The following SLC39A11 variants were observed in gnomAD, a reference collection of about 807,000 sequenced individuals.
SLC39A11 encodes solute carrier family 39 member 11, also known as zinc transporter ZIP11.
SLC39A11 carries 33 observed loss-of-function variants against 36.1 expected under a neutral mutation model. That is an observed-to-expected ratio of 0.91 (90% CI 0.69 to 1.22). SLC39A11 has a LOEUF of 1.22. Among genes scored for constraint, SLC39A11 ranks in the 50% most tolerant of loss-of-function variants. The pLI is 0.00. For synonymous variants in SLC39A11, 166 were observed against 170.3 expected, an observed-to-expected ratio of 0.97 and a Z score of 0.20; for missense variants, 432 against 430.3, an observed-to-expected ratio of 1.00 and a Z score of -0.03.
chr17:72,743,629 A>AT (rs1429245988), intron 6 of SLC39A11, among the ~76,000 whole-genome samples: 1 of 152,148 alleles, frequency 6.6e-6, no homozygotes, highest in Non-Finnish European at 1.5e-5. Flanking sequence ...AACAGAGGTG[A>AT]TCCCCGAGAG....
Position 72,941,401 on chromosome 17 carries a change from G to GA in SLC39A11, c.430+6350dup, listed in dbSNP as rs751062086. On this transcript the variant is annotated intron_variant, in intron 5 of 9. Transcript: ENST00000255559. Reference sequence around the variant, plus strand: ...TTGGACTTCCAGCCTCCAGAACTGTGAAAAAAATAAATTTCTGCAGTTTAA... The same window carrying GA: ...TTGGACTTCCAGCCTCCAGAACTGTGAAAAAAAATAAATTTCTGCAGTTTAA... Among the ~76,000 whole-genome samples the GA allele has an allele frequency of 5.9e-5, 9 of 152,238 alleles. 1 individual carries two copies. The highest frequency in any genetic ancestry group is 1.3e-4 in the Admixed American group (2 of 15,302).
chr17:72,653,111 T>C (rs1440703078), intron 7 of SLC39A11, among the ~76,000 whole-genome samples: 1 of 21,370 alleles, frequency 4.7e-5, no homozygotes, highest in African/African-American at 2.5e-4. Context: ...TTTTTTTTTC[T>C]TTTTTTTTTT....
intron 7 of SLC39A11, among the ~76,000 whole-genome samples, chr17:72,709,463 T>C (rs986230151): frequency 6.6e-6 from 1 of 152,234 alleles, no homozygotes; most frequent in Non-Finnish European, 1.5e-5. Context: ...TCAAGAGATC[T>C]GATGTATAGG....
intron 6 of SLC39A11, among the ~76,000 whole-genome samples, chr17:72,778,121 T>C (rs955896232): frequency 6.6e-6 from 1 of 152,100 alleles, no homozygotes; most frequent in African/African-American, 2.4e-5. Context: ...GCCACACTGG[T>C]CTTGAACTCC....
At chr17:72,985,055 G>GA (rs2088613532) in intron 4 of SLC39A11, among the ~76,000 whole-genome samples, 1 of 151,868 alleles carries the variant, frequency 6.6e-6, no homozygotes, top group Non-Finnish European at 1.5e-5. Context: ...AGGCCCAGCC[G>GA]GGCTAGAGGC....
In SLC39A11 at chr17:72,940,053, T is replaced by C. The variant is rs1055481743; in HGVS notation, c.430+7699A>G. ...GGATTTTCAGATTTGAGATGCTCAA[T>C]ATGTACTTTGTTGTGACAGCAACAG... is the stretch of plus-strand genomic sequence containing the variant. On this transcript the variant is annotated intron_variant, in intron 5 of 9. Coordinates refer to ENST00000255559, the MANE Select transcript of SLC39A11 (RefSeq NM_139177.4). Among the ~76,000 whole-genome samples the C allele has an allele frequency of 1.5e-4, 23 of 152,338 alleles. 1 individual carries two copies. The highest frequency in any genetic ancestry group is 7.8e-4 in the Admixed American group (12 of 15,296).
At chr17:73,048,872 G>A (rs1293078396) in intron 3 of SLC39A11, among the ~76,000 whole-genome samples, 1 of 152,138 alleles carries the variant, frequency 6.6e-6, no homozygotes, top group African/African-American at 2.4e-5. Context: ...TAGAGTTCCT[G>A]GGGAATTTAA....
At chr17:73,057,701 G>A (rs144115438) in intron 3 of SLC39A11, among the ~76,000 whole-genome samples, 3,546 of 152,302 alleles carry the variant, frequency 0.023, 66 homozygotes, top group Non-Finnish European at 0.04. Flanking sequence ...ACTTTGGGAG[G>A]CCGAGGCGGG....
chr17:73,085,194 G>A (rs139460017), intron 2 of SLC39A11, among the ~76,000 whole-genome samples: 102 of 152,186 alleles, frequency 6.7e-4, no homozygotes, highest in Non-Finnish European at 1.0e-3. Context: ...GAGGAGCAGA[G>A]GAGCAGGTGG....
At chr17:72,971,150 A>G (rs1216742663) in intron 4 of SLC39A11, among the ~76,000 whole-genome samples, 17 of 152,240 alleles carry the variant, frequency 1.1e-4, no homozygotes, top group Admixed American at 1.0e-3. Flanking sequence ...GGAAGACGAT[A>G]AAATGCAAAT....
At chr17:72,994,817 G>T (rs990210362) in intron 4 of SLC39A11, among the ~76,000 whole-genome samples, 7 of 152,130 alleles carry the variant, frequency 4.6e-5, no homozygotes, top group African/African-American at 1.7e-4. Flanking sequence ...TATACGGACT[G>T]GGTTCTTGAT....
chr17:72,655,978 C>T (rs1350163067), intron 7 of SLC39A11, among the ~76,000 whole-genome samples: 1 of 152,080 alleles, frequency 6.6e-6, no homozygotes, highest in Admixed American at 6.5e-5. Context: ...CCCAGGCTCA[C>T]CAGCTCCCCT....
At chr17:72,993,281 C>A (rs2089299861) in intron 4 of SLC39A11, among the ~76,000 whole-genome samples, 1 of 152,190 alleles carries the variant, frequency 6.6e-6, no homozygotes, top group Admixed American at 6.5e-5. Flanking sequence ...TCAAAACACA[C>A]TAAACTAGAA....
rs374956357 is a variant in SLC39A11 at position 72,984,861 on chromosome 17, T to A, written c.307-36986A>T. Among the ~76,000 whole-genome samples, 64 of 152,356 alleles carry A rather than the reference T, an allele frequency of 4.2e-4. 2 individuals carry two copies. The South Asian group carries it at 0.012, about 29-fold the overall frequency. ...GAAGGCCATTTGTTTATCTGAAACA[T>A]AACAATATCCCAAATCTATTTCATT... On this transcript the variant is annotated intron_variant, in intron 4 of 9. Transcript: ENST00000255559.
At chr17:72,766,039 G>A (rs564530535) in intron 6 of SLC39A11, among the ~76,000 whole-genome samples, 3 of 152,284 alleles carry the variant, frequency 2.0e-5, no homozygotes, top group Non-Finnish European at 2.9e-5. Context: ...ATGGTGGAAC[G>A]TGGGATGTGA....
chr17:73,026,155 AGAG>A (rs920798347), intron 4 of SLC39A11, among the ~76,000 whole-genome samples: 77 of 135,980 alleles, frequency 5.7e-4, no homozygotes, highest in African/African-American at 1.8e-3. Flanking sequence ...AAGAGAGAGC[AGAG>A]GAGAGAAGAG....
At chr17:72,976,478 A>G (rs1025065280) in intron 4 of SLC39A11, among the ~76,000 whole-genome samples, 1 of 152,242 alleles carries the variant, frequency 6.6e-6, no homozygotes, top group African/African-American at 2.4e-5. Flanking sequence ...TAGAGAAAGT[A>G]TGAATCATCA....
At chr17:72,789,500 C>T (rs553173469) in intron 6 of SLC39A11, among the ~76,000 whole-genome samples, 3 of 152,312 alleles carry the variant, frequency 2.0e-5, no homozygotes, top group Non-Finnish European at 4.4e-5. Context: ...GGTAAACTGT[C>T]GCCCAGGTAA....
intron 7 of SLC39A11, chr17:72,712,690 C>T (rs1408385704): frequency 1.3e-5 from 2 of 152,166 alleles, no homozygotes; most frequent in East Asian, 3.9e-4. Context: ...CCCTAGAAAG[C>T]TGCGGTGCTT....
Sources: allele counts gnomAD v4.1 joint callset (sites outside exome capture counted in the v4.1 genomes callset), GRCh38; gene constraint gnomAD v4.1.1; transcripts MANE v1.5; gene names NCBI Gene and HGNC (gene_info 2026-07-23, HGNC 2026-07-21).